NOX4: variants seen among roughly 807,000 people sequenced by gnomAD.
The protein encoded by NOX4 is NADPH oxidase 4, also known as kidney oxidase-1.
NOX4 carries 69 observed loss-of-function variants against 87.6 expected under a neutral mutation model. The ratio of observed to expected loss-of-function variants is 0.79; its 90% CI spans 0.65 to 0.96. The LOEUF is 0.96. Among genes scored for constraint, NOX4 ranks in the 40% least tolerant of loss-of-function variants. The probability of loss-of-function intolerance (pLI) is 0.00; values close to 1 mark genes in which losing one functional copy is unlikely to be tolerated. For synonymous variants in NOX4, 275 were observed against 238.2 expected, an observed-to-expected ratio of 1.15 and a Z score of -1.42; for missense variants, 680 against 681.5, an observed-to-expected ratio of 1.00 and a Z score of 0.02.
chr11:89,436,881 A>T (rs750620528), intron 6 of NOX4, among the ~76,000 whole-genome samples: 1 of 152,126 alleles, frequency 6.6e-6, no homozygotes, highest in Non-Finnish European at 1.5e-5. Flanking sequence ...TGTTTATAAC[A>T]TTTCTTATGT....
At position 89,481,028 on chromosome 11, in the gene NOX4, G is replaced by A. The variant is rs951539474; in HGVS notation, c.153+9430C>T. ...TTCCTCTCTCCAGAGGATCAGGGAG[G>A]CAGCCAAAGGTCAACCAAAGGACTG... On this transcript the variant is annotated intron_variant, in intron 2 of 17. Transcript: ENST00000263317. Among the ~76,000 whole-genome samples the A allele has an allele frequency of 9.9e-5, 15 of 152,100 alleles. No homozygotes were observed. In the East Asian group the frequency reaches 2.7e-3, roughly 28 times the overall value.
intron 8 of NOX4, among the ~76,000 whole-genome samples, chr11:89,406,374 T>A (rs893661529): frequency 2.0e-5 from 3 of 152,102 alleles, no homozygotes; most frequent in African/African-American, 7.2e-5. Flanking sequence ...TTATTTTAGA[T>A]GCATGCCTTT....
the NOX4 span, among the ~76,000 whole-genome samples, chr11:89,514,630 T>C: frequency 1.3e-5 from 2 of 152,010 alleles, no homozygotes; most frequent in South Asian, 4.1e-4. Context: ...GGGTTTTTCA[T>C]AGGTGCCCTT....
At chr11:89,542,890 A>G in the NOX4 span, among the ~76,000 whole-genome samples, 2 of 152,232 alleles carry the variant, frequency 1.3e-5, no homozygotes, top group South Asian at 4.1e-4. Context: ...CAAGGAAGAT[A>G]GGGGATTTAA....
At chr11:89,531,165 T>C in the NOX4 span, among the ~76,000 whole-genome samples, 1 of 152,196 alleles carries the variant, frequency 6.6e-6, no homozygotes, top group Non-Finnish European at 1.5e-5. Flanking sequence ...ACAAAATTTC[T>C]CCAATCTCAA....
intron 13 of NOX4, among the ~76,000 whole-genome samples, chr11:89,347,296 G>A (rs1461591287): frequency 6.6e-6 from 1 of 152,270 alleles, no homozygotes; most frequent in East Asian, 1.9e-4. Flanking sequence ...TCTTCTGACA[G>A]GATTTAGAAT....
chr11:89,416,282 A>C (rs901905855), intron 8 of NOX4, among the ~76,000 whole-genome samples: 1 of 152,196 alleles, frequency 6.6e-6, no homozygotes, highest in Non-Finnish European at 1.5e-5. Flanking sequence ...GTACTAGAAT[A>C]GGATTGTTTA....
chr11:89,513,891 T>C, the NOX4 span, among the ~76,000 whole-genome samples: 1 of 152,014 alleles, frequency 6.6e-6, no homozygotes, highest in African/African-American at 2.4e-5. Flanking sequence ...TTAAAAATAA[T>C]ATTTATGGGG....
the NOX4 span, among the ~76,000 whole-genome samples, chr11:89,588,351 T>C: frequency 1.3e-5 from 2 of 152,132 alleles, no homozygotes; most frequent in Non-Finnish European, 2.9e-5. Flanking sequence ...TCAAGAAATA[T>C]TATAACAAAA....
At chr11:89,477,560 A>T (rs964641786) in intron 2 of NOX4, among the ~76,000 whole-genome samples, 2 of 152,136 alleles carry the variant, frequency 1.3e-5, no homozygotes, top group African/African-American at 4.8e-5. Flanking sequence ...TAAATTGATA[A>T]ATTAATGAAT....
At chr11:89,432,055 C>A (rs567563209) in intron 7 of NOX4, among the ~76,000 whole-genome samples, 1 of 152,164 alleles carries the variant, frequency 6.6e-6, no homozygotes, top group South Asian at 2.1e-4. Flanking sequence ...TTTTTAGGGA[C>A]ATGGATGAAG....
At chr11:89,523,315 C>T in the NOX4 span, among the ~76,000 whole-genome samples, 2 of 152,122 alleles carry the variant, frequency 1.3e-5, no homozygotes, top group African/African-American at 2.4e-5. Context: ...AGCTATGGTG[C>T]CTGGCTGGAA....
the NOX4 span, among the ~76,000 whole-genome samples, chr11:89,523,596 T>C: frequency 2.0e-5 from 3 of 152,212 alleles, no homozygotes; most frequent in Non-Finnish European, 4.4e-5. Context: ...TTAAAAGAGA[T>C]TCTTATCACA....
the NOX4 span, chr11:89,557,157 T>A: frequency 6.6e-6 from 1 of 152,256 alleles, no homozygotes; most frequent in East Asian, 1.9e-4. Flanking sequence ...GAAAGCAATA[T>A]CTAAAATAAT....
chr11:89,514,379 A>T, the NOX4 span, among the ~76,000 whole-genome samples: 1 of 151,770 alleles, frequency 6.6e-6, no homozygotes, highest in Non-Finnish European at 1.5e-5. Context: ...AATTTATTTA[A>T]CTCTAACAGT....
chr11:89,500,305 G>A (rs1289864958), upstream of NOX4, among the ~76,000 whole-genome samples: 1 of 152,086 alleles, frequency 6.6e-6, no homozygotes, highest in African/African-American at 2.4e-5. Context: ...ACAGAAGGCA[G>A]CATTATGCTT....
intron 11 of NOX4, among the ~76,000 whole-genome samples, chr11:89,380,826 A>C (rs1940229083): frequency 6.6e-6 from 1 of 152,196 alleles, no homozygotes. Context: ...TCTATGGTTA[A>C]GATAACATTG....
intron 12 of NOX4, among the ~76,000 whole-genome samples, chr11:89,358,802 A>G (rs1938286380): frequency 6.6e-6 from 1 of 151,964 alleles, no homozygotes; most frequent in Non-Finnish European, 1.5e-5. Context: ...CTTTTGCAGG[A>G]AAATGTCAAA....
intron 12 of NOX4, among the ~76,000 whole-genome samples, chr11:89,362,066 T>C (rs1938566523): frequency 6.6e-6 from 1 of 152,114 alleles, no homozygotes; most frequent in Non-Finnish European, 1.5e-5. Flanking sequence ...CTGGGCTTTG[T>C]TGAACCTGCC....
Sources: allele counts gnomAD v4.1 joint callset (sites outside exome capture counted in the v4.1 genomes callset), GRCh38; gene constraint gnomAD v4.1.1; transcripts MANE v1.5; gene names NCBI Gene and HGNC (gene_info 2026-07-23, HGNC 2026-07-21).